Variants in CCDC30 observed in about 807,000 individuals in gnomAD.
CCDC30 encodes the protein coiled-coil domain containing 30.
A neutral mutation model predicts 100.2 loss-of-function variants in CCDC30; 70 were observed. The observed-to-expected ratio is 0.70, with a 90% CI of 0.58 to 0.85. The LOEUF (loss-of-function observed/expected upper bound fraction) is 0.85. CCDC30 is among the 40% of genes least tolerant of loss of function. The probability of loss-of-function intolerance (pLI) is 0.00; values close to 1 mark genes in which losing one functional copy is unlikely to be tolerated. For missense variants in CCDC30, 652 were observed against 771.2 expected (o/e 0.85, Z 1.83); for synonymous variants, 233 against 269.5 (o/e 0.86, Z 1.33).
chr1:42,638,933 A>G (rs1056455111), intron 12 of CCDC30, among the ~76,000 whole-genome samples: 6 of 151,860 alleles, frequency 4.0e-5, no homozygotes, highest in Non-Finnish European at 7.4e-5. Context: ...AAAAGTAGCA[A>G]CCCTAGTTCA....
Position 42,511,425 on chromosome 1 carries a change from C to T in CCDC30, c.456+12509C>T, listed in dbSNP as rs568661934. ...AACTCTATATCCTACTATCATGGCCCATGCTAAAGCGTTTCCCCTTAGAGA... is the reference window on the plus strand; with the variant it reads ...AACTCTATATCCTACTATCATGGCCTATGCTAAAGCGTTTCCCCTTAGAGA... On this transcript the variant is annotated intron_variant, in intron 6 of 16. Coordinates refer to ENST00000668663, the Ensembl canonical transcript of CCDC30. Among the ~76,000 whole-genome samples, 8 of 152,254 alleles carry T rather than the reference C, an allele frequency of 5.3e-5. No homozygotes were observed. In the East Asian group the frequency reaches 1.2e-3, roughly 22 times the overall value.
intron 15 of CCDC30, among the ~76,000 whole-genome samples, chr1:42,647,109 A>T (rs1414040414): frequency 6.6e-6 from 1 of 152,174 alleles, no homozygotes; most frequent in African/African-American, 2.4e-5. Flanking sequence ...CAAAAAAATA[A>T]ATAAATAAAA....
chr1:42,519,020 G>A lies in CCDC30; in HGVS notation c.456+20104G>A, dbSNP rs137944270. On this transcript the variant is annotated intron_variant, in intron 6 of 16. Transcript: ENST00000668663. ...TTGGATTTTGTTAAATGCTTTTTCT[G>A]TATCAACTGAGATTATTATATGGGT... Among the ~76,000 whole-genome samples, 793 of 152,250 alleles carry A rather than the reference G, an allele frequency of 5.2e-3. 8 individuals are homozygous for A. Among genetic ancestry groups the A allele is most frequent in the African/African-American group, 0.018 (765 of 41,550 alleles).
In CCDC30 at chr1:42,480,291, A is replaced by G. The variant is rs115887094; in HGVS notation, c.-91-170A>G. 6.4e-3 allele frequency among the ~76,000 whole-genome samples: 978 copies of G among 152,244 alleles called. 11 individuals carry two copies. The highest frequency in any genetic ancestry group is 0.023 in the African/African-American group (945 of 41,530). On this transcript the variant is annotated intron_variant, in intron 1 of 16. Coordinates refer to ENST00000668663, the Ensembl canonical transcript of CCDC30. ...ATATTTTTAGATGCTATTAATAATA[A>G]ATGCTATCTTTTTAAAAAAATTAAT...
intron 6 of CCDC30, among the ~76,000 whole-genome samples, chr1:42,562,965 C>T (rs202140269): frequency 4.6e-4 from 70 of 152,096 alleles, no homozygotes; most frequent in Admixed American, 1.2e-3. Flanking sequence ...TAGATGCTGA[C>T]GAGGCTGTGG....
At chr1:42,457,185 G>GA in the CCDC30 span, 1 of 1,607,382 alleles carries the variant, frequency 6.2e-7, no homozygotes, top group Middle Eastern at 1.7e-4. Flanking sequence ...CCCGAGTTGA[G>GA]AAGGAGCTGA....
chr1:42,561,525 C>T (rs1331840081), intron 6 of CCDC30, among the ~76,000 whole-genome samples: 1 of 152,160 alleles, frequency 6.6e-6, no homozygotes. Context: ...AAGCTGGAAG[C>T]ATTCCCTTTG....
Position 42,583,631 on chromosome 1 carries a change from A to G in CCDC30, c.1001+2117A>G, listed in dbSNP as rs983219790. On this transcript the variant is annotated intron_variant, in intron 9 of 16. Coordinates refer to ENST00000668663, the Ensembl canonical transcript of CCDC30. ...GATTTTTCCCAGTTTCTTCTATTTC[A>G]GTGACATAATATATATCCTGACACA... 2.6e-5 allele frequency among the ~76,000 whole-genome samples: 4 copies of G among 152,120 alleles called. No homozygotes were observed. The South Asian group carries it at 6.2e-4, about 24-fold the overall frequency.
chr1:42,568,299 G>A (rs1179202029), intron 7 of CCDC30, among the ~76,000 whole-genome samples: 3 of 152,072 alleles, frequency 2.0e-5, no homozygotes, highest in African/African-American at 7.2e-5. Flanking sequence ...ATTTTTAGTA[G>A]AGGCAGGGTT....
rs1363443343 is a variant in CCDC30, at chr1:42,546,085, C to T, written c.457-20211C>T. 3.3e-5 allele frequency among the ~76,000 whole-genome samples: 5 copies of T among 151,586 alleles called. No individual in the cohort carries two copies. The South Asian group carries it at 6.2e-4, about 19-fold the overall frequency. The stretch of plus-strand genomic sequence containing the variant: ...AAACTTTTTTCCTGCTTTCAAACAA[C>T]GAATGTATGCGGCCTGTTACATATG... On this transcript the variant is annotated intron_variant, in intron 6 of 16. Coordinates refer to ENST00000668663, the Ensembl canonical transcript of CCDC30.
At chr1:42,564,235 A>C (rs1195178194) in intron 6 of CCDC30, among the ~76,000 whole-genome samples, 1 of 152,152 alleles carries the variant, frequency 6.6e-6, no homozygotes, top group Non-Finnish European at 1.5e-5. Context: ...CCAAATGACT[A>C]TTCTCTTATT....
chr1:42,639,632 G>T (rs1001132511), intron 12 of CCDC30, among the ~76,000 whole-genome samples: 5 of 152,176 alleles, frequency 3.3e-5, no homozygotes, highest in Non-Finnish European at 5.9e-5. Flanking sequence ...TTCTAGCCCT[G>T]CCTGTAAGCT....
At chr1:42,530,465 A>G (rs1391034536) in intron 6 of CCDC30, among the ~76,000 whole-genome samples, 1 of 152,180 alleles carries the variant, frequency 6.6e-6, no homozygotes, top group African/African-American at 2.4e-5. Flanking sequence ...TCAACCAATC[A>G]TGAGTTGAAA....
intron 11 of CCDC30, among the ~76,000 whole-genome samples, chr1:42,615,401 A>C (rs1646707114): frequency 6.6e-6 from 1 of 152,140 alleles, no homozygotes; most frequent in Middle Eastern, 3.4e-3. Context: ...AGGCTCAAGC[A>C]ATTCTCCTGC....
chr1:42,603,642 A>G (rs1014601874), intron 10 of CCDC30, among the ~76,000 whole-genome samples: 1 of 152,252 alleles, frequency 6.6e-6, no homozygotes, highest in Non-Finnish European at 1.5e-5. Flanking sequence ...TGGCAAGCAT[A>G]TGAAGCAATA....
chr1:42,472,553 G>T (rs1286393343), intron 1 of CCDC30, among the ~76,000 whole-genome samples: 1 of 151,958 alleles, frequency 6.6e-6, no homozygotes, highest in African/African-American at 2.4e-5. Flanking sequence ...GCAATAAAAG[G>T]AACAAAGACT....
intron 6 of CCDC30, among the ~76,000 whole-genome samples, chr1:42,559,616 C>G (rs183940422): frequency 6.6e-6 from 1 of 152,218 alleles, no homozygotes; most frequent in East Asian, 1.9e-4. Context: ...TATATTCAAC[C>G]AATACAGGAG....
chr1:42,518,942 A>G (rs916690210), intron 6 of CCDC30, among the ~76,000 whole-genome samples: 4 of 152,188 alleles, frequency 2.6e-5, no homozygotes, highest in Non-Finnish European at 5.9e-5. Flanking sequence ...TTTTATATTG[A>G]AGCAGATTCT....
downstream of CCDC30, among the ~76,000 whole-genome samples, chr1:42,655,914 C>A (rs1210875628): frequency 7.9e-6 from 1 of 126,160 alleles, no homozygotes; most frequent in Non-Finnish European, 1.6e-5. Flanking sequence ...CACTTTGTAA[C>A]CCAGGCTGGA....
Sources: allele counts gnomAD v4.1 joint callset (sites outside exome capture counted in the v4.1 genomes callset), GRCh38; gene constraint gnomAD v4.1.1; transcripts MANE v1.5; gene names NCBI Gene and HGNC (gene_info 2026-07-23, HGNC 2026-07-21).